CGNL1: variants seen among roughly 807,000 people sequenced by gnomAD.
CGNL1 encodes the protein cingulin-like protein 1.
CGNL1 carries 132 observed loss-of-function variants against 141.2 expected under a neutral mutation model. That is an observed-to-expected ratio of 0.93 (90% confidence interval 0.81 to 1.08). The LOEUF is 1.08. Ranked by LOEUF, CGNL1 falls within the 50% of genes least tolerant of loss-of-function variation. The pLI, the probability that CGNL1 is intolerant of heterozygous loss-of-function variation, is 0.00. For missense variants in CGNL1, 1,870 were observed against 1,588.6 expected, an observed-to-expected ratio of 1.18 and a Z score of -3.01; for synonymous variants, 690 against 622.1, an observed-to-expected ratio of 1.11 and a Z score of -1.63.
At chr15:57,447,209 A>C (rs753450589) in intron 4 of CGNL1, among the ~76,000 whole-genome samples, 1 of 150,750 alleles carries the variant, frequency 6.6e-6, no homozygotes, top group East Asian at 1.9e-4. Flanking sequence ...CATTTTTGTT[A>C]GAGAGGTCTC....
intron 8 of CGNL1, among the ~76,000 whole-genome samples, chr15:57,467,686 C>CTTTTTTT (rs140789370): frequency 1.0e-4 from 11 of 107,424 alleles, no homozygotes; most frequent in East Asian, 2.9e-4. Flanking sequence ...GAGTCTCTGT[C>CTTTTTTT]TTTTTTTTTT....
Position 57,547,591 on chromosome 15 carries a change from A to G in CGNL1, c.*101A>G. 7.5e-7 allele frequency: 1 copy of G among 1,335,126 alleles called. No homozygotes were observed. Among genetic ancestry groups the G allele is most frequent in the Non-Finnish European group, 1.0e-6 (1 of 964,376 alleles). 82.7% of individuals were successfully genotyped at this position (1,335,126 alleles called of 1,614,324 possible). A position where few individuals can be genotyped will look rare whatever the true frequency, so the allele number is the denominator to read the frequency against. On this transcript the variant is annotated 3_prime_UTR_variant, in exon 19 of 19. Transcript: ENST00000281282. The stretch of plus-strand genomic sequence containing the variant: ...GAGCATCTGTCTGCCACTGAGACCA[A>G]TCACAGCCTCTTTGCACAGCATGCC...
At chr15:57,505,405 C>A (rs1328640388) in intron 8 of CGNL1, among the ~76,000 whole-genome samples, 1 of 152,064 alleles carries the variant, frequency 6.6e-6, no homozygotes, top group African/African-American at 2.4e-5. Flanking sequence ...GTGACTATAC[C>A]AGGATCAGGA....
chr15:57,473,975 T>C (rs1392588942), intron 8 of CGNL1, among the ~76,000 whole-genome samples: 4 of 146,910 alleles, frequency 2.7e-5, no homozygotes, highest in Non-Finnish European at 4.5e-5. Flanking sequence ...AGTGGTGTGA[T>C]CTTGGCTCAG....
At chr15:57,525,447 A>G (rs1315595671) in intron 12 of CGNL1, among the ~76,000 whole-genome samples, 16 of 152,366 alleles carry the variant, frequency 1.1e-4, no homozygotes, top group African/African-American at 3.8e-4. Flanking sequence ...GGTCACCTTG[A>G]GCAACTTAAC....
chr15:57,481,064 G>GTTTTTT (rs11298152), intron 8 of CGNL1, among the ~76,000 whole-genome samples: 56 of 116,080 alleles, frequency 4.8e-4, no homozygotes, highest in Middle Eastern at 4.9e-3. Context: ...AAGACCTGGG[G>GTTTTTT]TTTTTTTTTT....
At chr15:57,501,144 A>G (rs2064018644) in intron 8 of CGNL1, among the ~76,000 whole-genome samples, 1 of 152,158 alleles carries the variant, frequency 6.6e-6, no homozygotes, top group Admixed American at 6.5e-5. Context: ...TGGGCTGGGC[A>G]CAGAGTGGGA....
At chr15:57,543,872 C>G in intron 15 of CGNL1, 93 bp downstream of exon 15, 1 of 905,868 alleles carries the variant, frequency 1.1e-6, no homozygotes, top group East Asian at 2.5e-5. Flanking sequence ...GGAGGTCCCT[C>G]CTTTACTTGG....
At chr15:57,420,309 C>A (rs2062899493) in intron 1 of CGNL1, among the ~76,000 whole-genome samples, 2 of 152,088 alleles carry the variant, frequency 1.3e-5, no homozygotes, top group Admixed American at 1.3e-4. Context: ...GCCAAAAGAG[C>A]AAGAAAACAT....
chr15:57,508,004 T>C lies in CGNL1; in HGVS notation c.2404-8776T>C, dbSNP rs1393209985. Reference sequence around the variant, plus strand: ...CATGAATTGTTAGCGGGATCTGGTCTAGAATTCACATCTTTTAACAAAAAG... The same window carrying C: ...CATGAATTGTTAGCGGGATCTGGTCCAGAATTCACATCTTTTAACAAAAAG... On this transcript the variant is annotated intron_variant, in intron 8 of 18. Transcript: ENST00000281282. Among the ~76,000 whole-genome samples the C allele has an allele frequency of 2.6e-5, 4 of 152,248 alleles. No homozygotes were observed. The East Asian group carries it at 7.7e-4, about 29-fold the overall frequency.
At chr15:57,444,303 A>G (rs2063226048) in intron 4 of CGNL1, among the ~76,000 whole-genome samples, 1 of 152,136 alleles carries the variant, frequency 6.6e-6, no homozygotes, top group Non-Finnish European at 1.5e-5. Context: ...GTAATTTTCC[A>G]TTGTATCTGT....
At chr15:57,463,732 A>G (rs1347900945) in intron 8 of CGNL1, among the ~76,000 whole-genome samples, 3 of 152,208 alleles carry the variant, frequency 2.0e-5, no homozygotes, top group Admixed American at 6.5e-5. Context: ...GGTAGGGAAG[A>G]AGTCCCTTCT....
At chr15:57,496,556 T>C (rs538732800) in intron 8 of CGNL1, among the ~76,000 whole-genome samples, 2 of 152,214 alleles carry the variant, frequency 1.3e-5, no homozygotes, top group Non-Finnish European at 2.9e-5. Context: ...TCCCCGAAAC[T>C]GGTCCCTGGT....
Position 57,438,157 on chromosome 15 carries a change from C to A in CGNL1, c.158C>A (p.Pro53His), listed in dbSNP as rs777819228. ...CGGGTCCAGGGAATTGATGGTCACCCCTATATTGTCCTGAATAACACAGAA... is the reference window on the plus strand; with the variant it reads ...CGGGTCCAGGGAATTGATGGTCACCACTATATTGTCCTGAATAACACAGAA... Reference protein sequence around the residue: ...SIRVQGIDGHPYIVLNNTERC... With the variant: ...SIRVQGIDGHHYIVLNNTERC... Residue 53 changes from proline (P) to histidine (H), a missense_variant, in exon 2 of 19, where the codon CCC (proline) becomes CAC (histidine). Pro to His is a moderately conservative substitution (Grantham distance 77). Transcript: ENST00000281282. The A allele has an allele frequency of 6.2e-7, 1 of 1,614,146 alleles. No individual in the cohort carries two copies. Among genetic ancestry groups the A allele is most frequent in the East Asian group, 2.2e-5 (1 of 44,876 alleles).
At chr15:57,536,641 CA>C (rs2032275130) in intron 14 of CGNL1, among the ~76,000 whole-genome samples, 1 of 152,150 alleles carries the variant, frequency 6.6e-6, no homozygotes, top group African/African-American at 2.4e-5. Flanking sequence ...TGTTTAAATC[CA>C]GAGTAATCCT....
intron 11 of CGNL1, 38 bp downstream of exon 11, chr15:57,523,679 A>T: frequency 6.2e-7 from 1 of 1,609,338 alleles, no homozygotes; most frequent in Non-Finnish European, 8.5e-7. Context: ...GTAGGGCCAG[A>T]TGTCTTTGTT....
chr15:57,454,911 AG>A (rs1214682080), intron 7 of CGNL1, among the ~76,000 whole-genome samples: 8 of 151,796 alleles, frequency 5.3e-5, no homozygotes, highest in Admixed American at 2.0e-4. Flanking sequence ...AAAAAGGGGG[AG>A]GGGGGGACGT....
intron 1 of CGNL1, among the ~76,000 whole-genome samples, chr15:57,426,944 A>T (rs1471102523): frequency 1.3e-5 from 2 of 152,146 alleles, no homozygotes; most frequent in African/African-American, 4.8e-5. Flanking sequence ...GAATGGGGTG[A>T]GGGTGCTTTA....
At chr15:57,526,607 A>T (rs958674585) in intron 12 of CGNL1, among the ~76,000 whole-genome samples, 1 of 152,148 alleles carries the variant, frequency 6.6e-6, no homozygotes. Context: ...GAGAATCGAG[A>T]CTTAGTGATT....
Sources: gnomAD v4.1 joint callset for allele counts (sites outside exome capture counted in the v4.1 genomes callset) on GRCh38, gnomAD v4.1.1 for gene constraint, MANE v1.5 for transcripts, NCBI Gene and HGNC (gene_info 2026-07-23, HGNC 2026-07-21) for gene names.